Variants in PPFIA2 observed in about 807,000 individuals in gnomAD.
PPFIA2 encodes the protein liprin-alpha-2.
Under a neutral mutation model 175.5 loss-of-function variants are expected in PPFIA2, and 46 were observed. That is an observed-to-expected ratio of 0.26 (90% CI 0.21 to 0.34). The LOEUF (loss-of-function observed/expected upper bound fraction) is 0.34. Among genes scored for constraint, PPFIA2 ranks in the 10% least tolerant of loss-of-function variants. The pLI is 1.00. For synonymous variants in PPFIA2, 568 were observed against 511.4 expected, an observed-to-expected ratio of 1.11 and a Z score of -1.49; for missense variants, 1,179 against 1,506.1, an observed-to-expected ratio of 0.78 and a Z score of 3.60.
chr12:81,628,376 CTTT>C (rs11304359), intron 4 of PPFIA2, among the ~76,000 whole-genome samples: 172 of 111,702 alleles, frequency 1.5e-3, no homozygotes, highest in African/African-American at 1.2e-3. Context: ...TTTCTTTTAC[CTTT>C]TTTTTTTTTT....
At chr12:81,464,709 T>A (rs1197634098) in intron 4 of PPFIA2, among the ~76,000 whole-genome samples, 3 of 152,120 alleles carry the variant, frequency 2.0e-5, no homozygotes, top group African/African-American at 7.2e-5. Flanking sequence ...TTAAAGAGTG[T>A]ATAACCTCTT....
intron 4 of PPFIA2, among the ~76,000 whole-genome samples, chr12:81,496,431 A>T (rs2060032060): frequency 6.6e-6 from 1 of 152,156 alleles, no homozygotes; most frequent in Non-Finnish European, 1.5e-5. Flanking sequence ...TAATAATGGT[A>T]TTGGGGTTAT....
chr12:81,747,636 C>A (rs1309559067), intron 3 of PPFIA2, among the ~76,000 whole-genome samples: 1 of 143,136 alleles, frequency 7.0e-6, no homozygotes, highest in Admixed American at 7.4e-5. Flanking sequence ...TATTCCAACT[C>A]ATTTGTTCCT....
rs905252541 is a variant in PPFIA2, at chr12:81,707,736, G to A, written c.250-30892C>T. ...ACACATGCACACGTATGTTTATTGC[G>A]GCACTATTCACAATAGCAAAGACTT... On this transcript the variant is annotated intron_variant, in intron 3 of 32. Coordinates refer to ENST00000549396, the MANE Select transcript of PPFIA2 (RefSeq NM_003625.5). Among the ~76,000 whole-genome samples the A allele has an allele frequency of 1.5e-4, 22 of 151,230 alleles. No homozygotes were observed. In the South Asian group the frequency reaches 1.7e-3, roughly 12 times the overall value.
chr12:81,574,737 G>C (rs2073201215), intron 4 of PPFIA2, among the ~76,000 whole-genome samples: 2 of 151,250 alleles, frequency 1.3e-5, no homozygotes, highest in African/African-American at 2.4e-5. Context: ...TCTTCTGATA[G>C]GGCTTGCATG....
chr12:81,731,348 C>G (rs1314968249), intron 3 of PPFIA2, among the ~76,000 whole-genome samples: 1 of 151,684 alleles, frequency 6.6e-6, no homozygotes, highest in East Asian at 1.9e-4. Context: ...ATACCTGAAT[C>G]TGAAGGTTTA....
chr12:81,403,008 T>C (rs931005359), intron 8 of PPFIA2, among the ~76,000 whole-genome samples: 8 of 152,200 alleles, frequency 5.3e-5, no homozygotes, highest in African/African-American at 1.9e-4. Context: ...ATACACATTT[T>C]AGGTTTACAC....
rs117517927 is a variant in PPFIA2, at chr12:81,505,290, G to C, written c.304-47424C>G. On this transcript the variant is annotated intron_variant, in intron 4 of 32. Transcript: ENST00000549396. ...TATAATTAAAAAAAAAAAAAAGAAA[G>C]AAAAGGGAAGAAAGGGCCAAACTAC... Among the ~76,000 whole-genome samples, 458 of 149,326 alleles carry C rather than the reference G, an allele frequency of 3.1e-3. 5 individuals carry two copies. Among genetic ancestry groups the C allele is most frequent in the East Asian group, 0.029 (146 of 5,018 alleles).
At chr12:81,399,417 T>C (rs1370310873) in intron 8 of PPFIA2, among the ~76,000 whole-genome samples, 2 of 152,018 alleles carry the variant, frequency 1.3e-5, no homozygotes, top group Non-Finnish European at 2.9e-5. Context: ...AGGTCTTAGT[T>C]AACACACAAT....
chr12:81,551,495 G>A (rs976090046), intron 4 of PPFIA2, among the ~76,000 whole-genome samples: 1 of 151,748 alleles, frequency 6.6e-6, no homozygotes, highest in Non-Finnish European at 1.5e-5. Flanking sequence ...TATTTACAAA[G>A]CACTCACATT....
intron 17 of PPFIA2, among the ~76,000 whole-genome samples, chr12:81,351,345 C>T (rs1322836971): frequency 2.0e-5 from 3 of 151,938 alleles, no homozygotes; most frequent in Non-Finnish European, 4.4e-5. Flanking sequence ...TTAAAGAATG[C>T]AAATGAATTT....
intron 3 of PPFIA2, chr12:81,687,377 C>A (rs1301827739): frequency 6.6e-6 from 1 of 152,036 alleles, no homozygotes; most frequent in African/African-American, 2.4e-5. Flanking sequence ...TGTTTCTGCA[C>A]CACGGATTCT....
intron 4 of PPFIA2, among the ~76,000 whole-genome samples, chr12:81,558,448 T>C (rs1466246478): frequency 2.0e-5 from 3 of 152,140 alleles, no homozygotes; most frequent in South Asian, 4.1e-4. Flanking sequence ...AATTAGAAAA[T>C]TCAGGCAATC....
intron 4 of PPFIA2, among the ~76,000 whole-genome samples, chr12:81,634,551 G>A (rs2153504018): frequency 6.6e-6 from 1 of 152,056 alleles, no homozygotes; most frequent in East Asian, 1.9e-4. Flanking sequence ...TGAATTTTGT[G>A]TGGTTAAAAT....
chr12:81,732,455 A>T (rs1216801424), intron 3 of PPFIA2, among the ~76,000 whole-genome samples: 1 of 150,648 alleles, frequency 6.6e-6, no homozygotes, highest in Admixed American at 6.6e-5. Flanking sequence ...GGACCAGAAG[A>T]TGGAATGATT....
chr12:81,284,875 T>C (rs538985143), intron 24 of PPFIA2, among the ~76,000 whole-genome samples: 1 of 152,290 alleles, frequency 6.6e-6, no homozygotes, highest in Admixed American at 6.5e-5. Flanking sequence ...ATTCAGTAAA[T>C]AGTAAGTGTC....
At chr12:81,289,129 T>C (rs1000634983) in intron 24 of PPFIA2, among the ~76,000 whole-genome samples, 3 of 151,804 alleles carry the variant, frequency 2.0e-5, no homozygotes, top group Non-Finnish European at 4.4e-5. Flanking sequence ...ATAGCTGTAG[T>C]TGTGAGAGTC....
chr12:81,665,124 C>T (rs545378258), intron 4 of PPFIA2, among the ~76,000 whole-genome samples: 2 of 152,018 alleles, frequency 1.3e-5, no homozygotes, highest in South Asian at 2.1e-4. Flanking sequence ...CAACATGGCA[C>T]ATGTATACAT....
At chr12:81,629,612 A>C (rs1428983141) in intron 4 of PPFIA2, among the ~76,000 whole-genome samples, 2 of 152,158 alleles carry the variant, frequency 1.3e-5, no homozygotes, top group Non-Finnish European at 2.9e-5. Flanking sequence ...AGAAACAAGG[A>C]TGAAACGCTT....
Sources: allele counts gnomAD v4.1 joint callset (sites outside exome capture counted in the v4.1 genomes callset), GRCh38; gene constraint gnomAD v4.1.1; transcripts MANE v1.5; gene names NCBI Gene and HGNC (gene_info 2026-07-23, HGNC 2026-07-21).